CALN1: variants seen among roughly 807,000 people sequenced by gnomAD.
The protein encoded by CALN1 is calneuron 1, also known as calcium-binding protein 8.
A neutral mutation model predicts 30.6 loss-of-function variants in CALN1; 17 were observed. The observed-to-expected ratio is 0.56, with a 90% confidence interval of 0.38 to 0.83. The LOEUF is 0.83. Ranked by LOEUF, CALN1 falls within the 40% of genes least tolerant of loss-of-function variation. CALN1 has a pLI of 0.00. For synonymous variants in CALN1, 156 were observed against 131.4 expected (o/e 1.19, Z -1.28); for missense variants, 291 against 354.9 (o/e 0.82, Z 1.45).
At chr7:72,116,550 G>A (rs1807996582) in intron 3 of CALN1, among the ~76,000 whole-genome samples, 1 of 152,168 alleles carries the variant, frequency 6.6e-6, no homozygotes, top group South Asian at 2.1e-4. Context: ...AGCAGGAGGG[G>A]ACTGAGCTGG....
intron 2 of CALN1, among the ~76,000 whole-genome samples, chr7:72,358,437 A>G (rs1803368918): frequency 6.6e-6 from 1 of 152,136 alleles, no homozygotes. Context: ...CTCTCTCCTC[A>G]GCTCTCCCTT....
intron 4 of CALN1, among the ~76,000 whole-genome samples, chr7:72,078,393 T>C (rs981346468): frequency 6.6e-6 from 1 of 152,122 alleles, no homozygotes; most frequent in Non-Finnish European, 1.5e-5. Flanking sequence ...CTTGGGTAGT[T>C]GGGAGTCTTA....
chr7:72,378,869 G>A (rs1046788266), intron 2 of CALN1, among the ~76,000 whole-genome samples: 2 of 152,050 alleles, frequency 1.3e-5, no homozygotes, highest in African/African-American at 4.8e-5. Context: ...CGCCCAGCCT[G>A]TATCCTACTT....
intron 3 of CALN1, among the ~76,000 whole-genome samples, chr7:72,273,151 A>C (rs912836959): frequency 1.3e-5 from 2 of 152,050 alleles, no homozygotes; most frequent in African/African-American, 4.8e-5. Context: ...AAAAAGGCTT[A>C]GGCCAGGCAC....
chr7:72,037,645 T>C (rs1801883013), intron 4 of CALN1, among the ~76,000 whole-genome samples: 1 of 152,196 alleles, frequency 6.6e-6, no homozygotes, highest in Admixed American at 6.5e-5. Flanking sequence ...AGGATGTTTT[T>C]ATTTAACCTA....
intron 2 of CALN1, among the ~76,000 whole-genome samples, chr7:72,366,511 G>A (rs1803886476): frequency 7.0e-6 from 1 of 143,634 alleles, no homozygotes; most frequent in Non-Finnish European, 1.5e-5. Context: ...AATAGCTGTT[G>A]GGGTACAAGT....
intron 2 of CALN1, among the ~76,000 whole-genome samples, chr7:72,401,162 G>A (rs896732381): frequency 2.0e-5 from 3 of 152,076 alleles, no homozygotes; most frequent in African/African-American, 4.8e-5. Context: ...TTCTCTCAAG[G>A]GTCTCACAAT....
At chr7:72,328,189 G>C (rs777712342) in intron 2 of CALN1, among the ~76,000 whole-genome samples, 2 of 152,050 alleles carry the variant, frequency 1.3e-5, no homozygotes, top group Non-Finnish European at 2.9e-5. Flanking sequence ...TGGGCACCTT[G>C]TCAAAACATG....
chr7:72,156,279 A>C (rs1787671315), intron 3 of CALN1, among the ~76,000 whole-genome samples: 1 of 152,222 alleles, frequency 6.6e-6, no homozygotes, highest in Non-Finnish European at 1.5e-5. Context: ...AAGGAAACCA[A>C]GCAATAGAAG....
chr7:72,286,542 C>T (rs936026422), intron 2 of CALN1, among the ~76,000 whole-genome samples: 2 of 152,208 alleles, frequency 1.3e-5, no homozygotes, highest in African/African-American at 4.8e-5. Context: ...ATGTCTTCCT[C>T]TCTGTTCAAC....
At chr7:71,934,395 T>C (rs1795721728) in intron 5 of CALN1, among the ~76,000 whole-genome samples, 1 of 152,200 alleles carries the variant, frequency 6.6e-6, no homozygotes, top group South Asian at 2.1e-4. Flanking sequence ...GGGTAATTTA[T>C]AAAGAAAAGA....
At chr7:72,349,114 G>A (rs533785945) in intron 2 of CALN1, among the ~76,000 whole-genome samples, 17 of 152,248 alleles carry the variant, frequency 1.1e-4, no homozygotes, top group Admixed American at 7.8e-4. Flanking sequence ...AGGTATTGTA[G>A]AAAAATAAGT....
intron 5 of CALN1, among the ~76,000 whole-genome samples, chr7:72,010,539 C>T (rs908662593): frequency 3.9e-5 from 6 of 152,084 alleles, no homozygotes; most frequent in Non-Finnish European, 5.9e-5. Flanking sequence ...AAATCAGGTG[C>T]GGTGGCTCAC....
chr7:71,963,927 A>T (rs1797397037), intron 5 of CALN1, among the ~76,000 whole-genome samples: 2 of 152,196 alleles, frequency 1.3e-5, no homozygotes, highest in Non-Finnish European at 1.5e-5. Context: ...AGTTTGGCTG[A>T]GGAATTCATA....
At chr7:72,368,386 G>A (rs1055905087) in intron 2 of CALN1, among the ~76,000 whole-genome samples, 1 of 151,758 alleles carries the variant, frequency 6.6e-6, no homozygotes, top group Admixed American at 6.6e-5. Flanking sequence ...TAAGATGGCA[G>A]GAAGGATGTC....
intron 5 of CALN1, among the ~76,000 whole-genome samples, chr7:71,944,252 A>G (rs982200494): frequency 6.6e-6 from 1 of 152,146 alleles, no homozygotes; most frequent in African/African-American, 2.4e-5. Flanking sequence ...TTCAAGATCA[A>G]CTTGGGCAAC....
intron 4 of CALN1, among the ~76,000 whole-genome samples, chr7:72,074,565 T>C (rs1804609299): frequency 6.6e-6 from 1 of 151,992 alleles, no homozygotes; most frequent in Admixed American, 6.6e-5. Flanking sequence ...CCACCACCAC[T>C]CCAGACTAAT....
chr7:71,821,493 T>C (rs957956790), intron 5 of CALN1, among the ~76,000 whole-genome samples: 3 of 152,032 alleles, frequency 2.0e-5, no homozygotes, highest in African/African-American at 7.2e-5. Flanking sequence ...AAACCCCTTA[T>C]AAAACCATTA....
intron 5 of CALN1, among the ~76,000 whole-genome samples, chr7:71,931,669 C>A (rs1795560379): frequency 6.6e-6 from 1 of 152,222 alleles, no homozygotes; most frequent in South Asian, 2.1e-4. Flanking sequence ...AGTTCTAACC[C>A]TTTCTTTCAA....
Sources: allele counts gnomAD v4.1 joint callset (sites outside exome capture counted in the v4.1 genomes callset), GRCh38; gene constraint gnomAD v4.1.1; transcripts MANE v1.5; gene names NCBI Gene and HGNC (gene_info 2026-07-23, HGNC 2026-07-21).